COG5: variants seen among roughly 807,000 people sequenced by gnomAD.
The protein encoded by COG5 is conserved oligomeric Golgi complex subunit 5.
Under a neutral mutation model 110.4 loss-of-function variants are expected in COG5, and 86 were observed. The observed-to-expected ratio is 0.78, with a 90% confidence interval of 0.65 to 0.93. COG5 has a LOEUF of 0.93. COG5 is among the 40% of genes least tolerant of loss of function. The pLI is 0.00. For missense variants in COG5, 1,077 were observed against 987.0 expected, an observed-to-expected ratio of 1.09 and a Z score of -1.22; for synonymous variants, 360 against 334.6, an observed-to-expected ratio of 1.08 and a Z score of -0.83.
At chr7:107,248,937 CT>C (rs202028061) in intron 16 of COG5, among the ~76,000 whole-genome samples, 2 of 151,186 alleles carry the variant, frequency 1.3e-5, no homozygotes, top group Non-Finnish European at 3.0e-5. Context: ...GACATTGATT[CT>C]TTTTTTTTAA....
intron 13 of COG5, among the ~76,000 whole-genome samples, chr7:107,282,600 C>T (rs771419970): frequency 3.3e-5 from 5 of 152,170 alleles, no homozygotes; most frequent in Admixed American, 6.5e-5. Flanking sequence ...CGGCTCACTG[C>T]AGCCTTCGCC....
At chr7:107,527,065 A>G (rs1340837376) in intron 6 of COG5, among the ~76,000 whole-genome samples, 172 bp downstream of exon 6, 1 of 152,198 alleles carries the variant, frequency 6.6e-6, no homozygotes. Context: ...AGTGAAATCA[A>G]CTACTTGTAC....
chr7:107,211,277 G>A (rs1271519227), intron 19 of COG5, 52 bp from the exon 20 acceptor site: 2 of 1,583,452 alleles, frequency 1.3e-6, no homozygotes, highest in South Asian at 1.1e-5. Flanking sequence ...TGAAATAGGT[G>A]ATTTGGTGGG....
At chr7:107,508,798 G>T (rs560342548) in intron 6 of COG5, among the ~76,000 whole-genome samples, 1 of 152,238 alleles carries the variant, frequency 6.6e-6, no homozygotes, top group South Asian at 2.1e-4. Flanking sequence ...GTCTGGAGTG[G>T]ACCTCTAGCA....
At chr7:107,272,579 A>G (rs1316002766) in intron 14 of COG5, among the ~76,000 whole-genome samples, 1 of 152,164 alleles carries the variant, frequency 6.6e-6, no homozygotes, top group Non-Finnish European at 1.5e-5. Flanking sequence ...AAATATTTTG[A>G]GAAATATTTT....
chr7:107,207,827 G>C (rs980487991), intron 21 of COG5: 1 of 985,322 alleles, frequency 1.0e-6, no homozygotes, highest in Admixed American at 6.1e-5. Context: ...TCTGGTGTCA[G>C]AAGAAAACAG....
At chr7:107,321,667 G>A (rs1379079982) in intron 11 of COG5, among the ~76,000 whole-genome samples, 2 of 152,098 alleles carry the variant, frequency 1.3e-5, no homozygotes, top group African/African-American at 2.4e-5. Context: ...GAAGTCAATA[G>A]GCAGAGAATA....
In COG5 at chr7:107,483,044, T is replaced by C. The variant is rs112041565; in HGVS notation, c.538+44193A>G. 7.2e-5 allele frequency among the ~76,000 whole-genome samples: 11 copies of C among 152,284 alleles called. 3 individuals carry two copies. The highest frequency in any genetic ancestry group is 2.4e-4 in the African/African-American group (10 of 41,582). ...TTGAAGAAATGCCATTCAGGTTAGG[T>C]AGAGGTTTGAATCAAACATTTTTCT... On this transcript the variant is annotated intron_variant, in intron 6 of 21. Coordinates refer to ENST00000297135, the MANE Select transcript of COG5 (RefSeq NM_006348.5).
chr7:107,481,716 G>GTA (rs1797359616), intron 6 of COG5, among the ~76,000 whole-genome samples: 1 of 152,002 alleles, frequency 6.6e-6, no homozygotes, highest in Admixed American at 6.6e-5. Flanking sequence ...TTCTTAAAAA[G>GTA]CTTTGTCTTT....
chr7:107,384,754 C>T (rs552753557), intron 7 of COG5, among the ~76,000 whole-genome samples: 2 of 152,090 alleles, frequency 1.3e-5, no homozygotes, highest in African/African-American at 2.4e-5. Flanking sequence ...AGCAAGAAGG[C>T]GGCTGTCTGT....
intron 13 of COG5, among the ~76,000 whole-genome samples, chr7:107,282,792 C>G (rs1386864381): frequency 6.6e-6 from 1 of 152,150 alleles, no homozygotes; most frequent in South Asian, 2.1e-4. Flanking sequence ...GGATTACAGG[C>G]GTGAGCCACC....
At chr7:107,487,730 A>G (rs1336321960) in intron 6 of COG5, among the ~76,000 whole-genome samples, 1 of 152,174 alleles carries the variant, frequency 6.6e-6, no homozygotes, top group African/African-American at 2.4e-5. Flanking sequence ...CAGTAAAAAA[A>G]AAAAGTATGA....
chr7:107,382,724 C>G (rs1388322864), intron 7 of COG5, among the ~76,000 whole-genome samples: 4 of 152,168 alleles, frequency 2.6e-5, no homozygotes, highest in Non-Finnish European at 5.9e-5. Flanking sequence ...CAGGCATGAG[C>G]CACCGCACCC....
At chr7:107,388,083 T>C (rs1216200961) in intron 7 of COG5, among the ~76,000 whole-genome samples, 1 of 152,172 alleles carries the variant, frequency 6.6e-6, no homozygotes, top group Non-Finnish European at 1.5e-5. Context: ...TCCACCAAAA[T>C]TGGAGAAACT....
chr7:107,560,730 A>T (rs1803706955), intron 1 of COG5, among the ~76,000 whole-genome samples: 1 of 152,348 alleles, frequency 6.6e-6, no homozygotes, highest in African/African-American at 2.4e-5. Flanking sequence ...GTTCATATGT[A>T]GGTTTTCATG....
chr7:107,399,901 G>C (rs1184470635), intron 7 of COG5, among the ~76,000 whole-genome samples: 1 of 152,146 alleles, frequency 6.6e-6, no homozygotes, highest in East Asian at 1.9e-4. Context: ...AAATTAAAAA[G>C]ACTGCTAACA....
chr7:107,253,703 T>C (rs1219989800), intron 16 of COG5, among the ~76,000 whole-genome samples: 2 of 152,168 alleles, frequency 1.3e-5, no homozygotes, highest in Admixed American at 6.5e-5. Context: ...ACCCAACCCC[T>C]GCTCTGCTCG....
chr7:107,399,406 A>G (rs1002890878), intron 7 of COG5, among the ~76,000 whole-genome samples: 1 of 151,974 alleles, frequency 6.6e-6, no homozygotes, highest in Non-Finnish European at 1.5e-5. Flanking sequence ...AGGTGATTGG[A>G]TCATGGGGGT....
chr7:107,363,519 A>T (rs1386645582), intron 8 of COG5, among the ~76,000 whole-genome samples: 1 of 152,220 alleles, frequency 6.6e-6, no homozygotes, highest in Non-Finnish European at 1.5e-5. Flanking sequence ...ATGTTTAAAA[A>T]GGATGGAAAT....
Sources: allele counts gnomAD v4.1 joint callset (sites outside exome capture counted in the v4.1 genomes callset), GRCh38; gene constraint gnomAD v4.1.1; transcripts MANE v1.5; gene names NCBI Gene and HGNC (gene_info 2026-07-23, HGNC 2026-07-21).